Variants in CDK5RAP2 observed in about 807,000 individuals in gnomAD.
CDK5RAP2 encodes CDK5 regulatory subunit-associated protein 2.
In CDK5RAP2, 147 loss-of-function variants were observed where a neutral mutation model predicts 232.9. The ratio of observed to expected loss-of-function variants is 0.63; its 90% CI spans 0.55 to 0.72. The LOEUF is 0.72. Among genes scored for constraint, CDK5RAP2 ranks in the 30% least tolerant of loss-of-function variants. The pLI is 0.00. For synonymous variants in CDK5RAP2, 833 were observed against 833.7 expected (o/e 1.00, Z 0.01); for missense variants, 2,195 against 2,231.5 (o/e 0.98, Z 0.33).
chr9:120,444,274 G>T (rs2036064225), intron 22 of CDK5RAP2, among the ~76,000 whole-genome samples: 1 of 152,082 alleles, frequency 6.6e-6, no homozygotes, highest in East Asian at 1.9e-4. Context: ...ATTTAAATTT[G>T]AATTTTAAAA....
intron 25 of CDK5RAP2, among the ~76,000 whole-genome samples, chr9:120,424,453 A>T (rs1242979681): frequency 6.6e-6 from 1 of 152,212 alleles, no homozygotes; most frequent in African/African-American, 2.4e-5. Flanking sequence ...CTTTACTGGA[A>T]GAACCAGCTT....
rs41309342 is a variant in CDK5RAP2, at chr9:120,419,862, G to A, written c.4103C>T (p.Ser1368Phe). 1.2e-6 allele frequency: 2 copies of A among 1,613,346 alleles called. No individual in the cohort carries two copies. The highest frequency in any genetic ancestry group is 2.7e-5 in the African/African-American group (2 of 74,912). The change falls in exon 27 of 38, where the codon TCC (serine) becomes TTC (phenylalanine). Residue 1368 changes from serine to phenylalanine, a missense_variant. By Grantham distance (155) the Ser-to-Phe change is radical. Transcript: ENST00000349780. Reference sequence around the variant, plus strand: ...TTGCTTCTGGTCTCGTGAGAAGAAGGACTTTTCAGATGTTTCATAATCAGA... The same window carrying A: ...TTGCTTCTGGTCTCGTGAGAAGAAGAACTTTTCAGATGTTTCATAATCAGA... ...ALSDYETSEK[S>F]FFSRDQKQDN...
intron 18 of CDK5RAP2, among the ~76,000 whole-genome samples, 180 bp downstream of exon 18, chr9:120,467,680 C>T (rs980866185): frequency 1.3e-5 from 2 of 152,048 alleles, no homozygotes; most frequent in African/African-American, 4.8e-5. Flanking sequence ...GGGTCTCGCT[C>T]TATCCCCCGG....
intron 5 of CDK5RAP2, among the ~76,000 whole-genome samples, chr9:120,541,710 G>C (rs552182657): frequency 2.0e-5 from 3 of 152,270 alleles, no homozygotes; most frequent in East Asian, 3.9e-4. Flanking sequence ...CTCGAACCTT[G>C]GTTTTCTCTC....
intron 11 of CDK5RAP2, among the ~76,000 whole-genome samples, chr9:120,520,362 C>A (rs2040559552): frequency 1.3e-5 from 2 of 152,184 alleles, no homozygotes; most frequent in African/African-American, 4.8e-5. Flanking sequence ...GATACTCAGG[C>A]TGGGCGTGAT....
Position 120,408,434 on chromosome 9 carries a change from G to A in CDK5RAP2, c.4639C>T (p.Leu1547Phe), listed in dbSNP as rs140993056. ...TGCAATAGCTTGTCATTCTGTGAGA[G>A]CAGCTGCTGCCTCAACTTCACCTCC... ...QEEVKLRQQL[L>F]SQNDKLLQSL... The change falls in exon 31 of 38, where the codon CTC becomes TTC. Residue 1547 changes from leucine (L) to phenylalanine (F), a missense_variant. Transcript: ENST00000349780. 2 of 1,614,086 alleles carry A rather than the reference G, an allele frequency of 1.2e-6. No homozygotes were observed. The highest frequency in any genetic ancestry group is 1.7e-6 in the Non-Finnish European group (2 of 1,179,952).
At chr9:120,395,356 T>C (rs550694709) in intron 35 of CDK5RAP2, among the ~76,000 whole-genome samples, 4 of 152,246 alleles carry the variant, frequency 2.6e-5, no homozygotes, top group Non-Finnish European at 5.9e-5. Context: ...TTAAAAACTT[T>C]TCAATGTTTA....
At position 120,460,616 on chromosome 9, in the gene CDK5RAP2, C is replaced by T. The variant is rs372325106; in HGVS notation, c.2158G>A (p.Glu720Lys). ...TGCTGGTCACTCAGGAAATTAATCTCGTCATCCTCCCCAATTTTGATCGTG... is the reference window on the plus strand; with the variant it reads ...TGCTGGTCACTCAGGAAATTAATCTTGTCATCCTCCCCAATTTTGATCGTG... The part of the protein sequence containing the change: ...EDTIKIGEDD[E>K]INFLSDQHLQ... Residue 720 changes from glutamate to lysine, a missense_variant, in exon 19 of 38, where the codon GAG (glutamate) becomes AAG (lysine). By Grantham distance (56) the Glu-to-Lys change is moderately conservative. Transcript: ENST00000349780. 2.5e-5 allele frequency: 41 copies of T among 1,614,010 alleles called. No homozygotes were observed. Among genetic ancestry groups the T allele is most frequent in the Middle Eastern group, 1.6e-4 (1 of 6,084 alleles).
intron 18 of CDK5RAP2, among the ~76,000 whole-genome samples, chr9:120,465,417 T>C (rs2037322586): frequency 6.6e-6 from 1 of 152,180 alleles, no homozygotes; most frequent in South Asian, 2.1e-4. Flanking sequence ...ACAGGATACC[T>C]GTTCTTGGTG....
chr9:120,399,744 A>T (rs1023919101), intron 35 of CDK5RAP2, among the ~76,000 whole-genome samples: 1 of 152,194 alleles, frequency 6.6e-6, no homozygotes, highest in African/African-American at 2.4e-5. Flanking sequence ...CTCCCACCTG[A>T]TACTGCCACC....
At chr9:120,515,103 C>T (rs2040271494) in intron 12 of CDK5RAP2, among the ~76,000 whole-genome samples, 1 of 151,886 alleles carries the variant, frequency 6.6e-6, no homozygotes, top group South Asian at 2.1e-4. Context: ...TGTATCACCC[C>T]CTCATCCTCG....
chr9:120,520,296 A>G (rs976019625), intron 11 of CDK5RAP2, among the ~76,000 whole-genome samples: 3 of 152,170 alleles, frequency 2.0e-5, no homozygotes, highest in Admixed American at 6.5e-5. Flanking sequence ...CTGTAATCCC[A>G]ACACTTTGGG....
chr9:120,473,611 T>G (rs1413481028), intron 15 of CDK5RAP2, among the ~76,000 whole-genome samples: 1 of 152,256 alleles, frequency 6.6e-6, no homozygotes, highest in East Asian at 1.9e-4. Flanking sequence ...TGAAGCAGTC[T>G]TCACGCAAGG....
chr9:120,555,177 A>G (rs1018843212), intron 3 of CDK5RAP2, among the ~76,000 whole-genome samples: 4 of 151,578 alleles, frequency 2.6e-5, no homozygotes, highest in African/African-American at 9.7e-5. Flanking sequence ...GTCTCGCTTT[A>G]TTGCCCAGGC....
At chr9:120,484,320 G>C (rs528944033) in intron 14 of CDK5RAP2, among the ~76,000 whole-genome samples, 1 of 152,188 alleles carries the variant, frequency 6.6e-6, no homozygotes, top group Non-Finnish European at 1.5e-5. Context: ...TCGGGGGTAC[G>C]ACTGTAAGGC....
intron 25 of CDK5RAP2, among the ~76,000 whole-genome samples, chr9:120,431,860 A>C (rs1283702622): frequency 6.6e-6 from 1 of 152,226 alleles, no homozygotes; most frequent in Admixed American, 6.5e-5. Flanking sequence ...ACAAGGATAC[A>C]GTGGAAACTC....
Position 120,448,123 on chromosome 9 carries a change from C to T in CDK5RAP2, c.2797G>A (p.Ala933Thr). 6.2e-7 allele frequency: 1 copy of T among 1,612,010 alleles called. No individual in the cohort carries two copies. Among genetic ancestry groups the T allele is most frequent in the Non-Finnish European group, 8.5e-7 (1 of 1,178,064 alleles). Residue 933 changes from alanine (A) to threonine (T), a missense_variant, in exon 22 of 38, where the codon GCT (alanine) becomes ACT (threonine). Transcript: ENST00000349780. ...AGGATTGGCAAGCGGGACTTCTTAG[C>T]CTCCTGAAAACACACATATGCAACA... ...LSLPGITNRE[A>T]KKSRLPILIK... is the part of the protein sequence containing the mutation.
chr9:120,544,594 C>T (rs1000155903), intron 5 of CDK5RAP2, among the ~76,000 whole-genome samples: 41 of 152,356 alleles, frequency 2.7e-4, no homozygotes, highest in African/African-American at 9.4e-4. Context: ...CAGAGCAGTG[C>T]AGCCATGCCC....
At chr9:120,402,639 C>T (rs904369594) in intron 34 of CDK5RAP2, among the ~76,000 whole-genome samples, 167 bp downstream of exon 34, 1 of 152,140 alleles carries the variant, frequency 6.6e-6, no homozygotes. Flanking sequence ...CAGCCACCAC[C>T]AATAGTTCCC....
Sources: gnomAD v4.1 joint callset for allele counts (sites outside exome capture counted in the v4.1 genomes callset) on GRCh38, gnomAD v4.1.1 for gene constraint, MANE v1.5 for transcripts, NCBI Gene and HGNC (gene_info 2026-07-23, HGNC 2026-07-21) for gene names.